OTOP1: variants seen among roughly 807,000 people sequenced by gnomAD.
OTOP1 encodes otopetrin 1.
Under a neutral mutation model 52.9 loss-of-function variants are expected in OTOP1, and 59 were observed. The observed-to-expected ratio is 1.12, with a 90% CI of 0.91 to 1.39. The LOEUF (loss-of-function observed/expected upper bound fraction) is 1.39, where lower values mean the gene tolerates loss of function less well. OTOP1 is among the 40% of genes most tolerant of loss of function. The pLI is 0.00. For missense variants in OTOP1, 761 were observed against 800.9 expected (o/e 0.95, Z 0.60); for synonymous variants, 317 against 337.7 (o/e 0.94, Z 0.67).
chr4:4,211,493 A>T (rs995478046), intron 2 of OTOP1, among the ~76,000 whole-genome samples: 4 of 152,238 alleles, frequency 2.6e-5, no homozygotes, highest in African/African-American at 9.6e-5. Context: ...CAACATGGGC[A>T]AATCTGGAGG....
chr4:4,205,961 A>C, intron 3 of OTOP1, 111 bp downstream of exon 3: 1 of 909,470 alleles, frequency 1.1e-6, no homozygotes, highest in South Asian at 1.4e-5. Context: ...TTCAGGACTG[A>C]GGGGAGAGTT....
intron 1 of OTOP1, among the ~76,000 whole-genome samples, chr4:4,216,668 G>A (rs1305509191): frequency 6.6e-6 from 1 of 152,096 alleles, no homozygotes; most frequent in East Asian, 1.9e-4. Context: ...GTGGAGATTC[G>A]ATCCCAGTGC....
intron 4 of OTOP1, among the ~76,000 whole-genome samples, chr4:4,201,074 G>A (rs12507879): frequency 0.13 from 20,411 of 152,138 alleles, 1,654 homozygotes; most frequent in East Asian, 0.33. Context: ...CGTGTTCACT[G>A]TGTTACCCTG....
rs150502297 is a variant in OTOP1 at position 4,205,766 on chromosome 4, A to G, written c.599+306T>C. Among the ~76,000 whole-genome samples, 84 of 152,336 alleles carry G rather than the reference A, an allele frequency of 5.5e-4. 1 individual carries two copies. In the East Asian group the frequency reaches 0.012, roughly 22 times the overall value. ...AGAACTTATGACGGTTAAAAAAAGA[A>G]ATTACATTTTCTTCCCTTCATCTCC... On this transcript the variant is annotated intron_variant, in intron 3 of 5. Transcript: ENST00000296358.
At chr4:4,206,637 A>T (rs1401827443) in intron 2 of OTOP1, among the ~76,000 whole-genome samples, 1 of 152,214 alleles carries the variant, frequency 6.6e-6, no homozygotes, top group Non-Finnish European at 1.5e-5. Context: ...TTATGCAGTC[A>T]CTAGCAGCAT....
chr4:4,196,275 G>C (rs1716622088), intron 5 of OTOP1, among the ~76,000 whole-genome samples: 1 of 152,074 alleles, frequency 6.6e-6, no homozygotes, highest in Non-Finnish European at 1.5e-5. Flanking sequence ...GTTTTGGCCA[G>C]GCGTGGGAGC....
chr4:4,218,326 A>G lies in OTOP1; in HGVS notation c.404-5322T>C, dbSNP rs372360940. Among the ~76,000 whole-genome samples, 4 of 149,652 alleles carry G rather than the reference A, an allele frequency of 2.7e-5. No individual in the cohort carries two copies. In the East Asian group the frequency reaches 7.9e-4, roughly 30 times the overall value. On this transcript the variant is annotated intron_variant, in intron 1 of 5. Coordinates refer to ENST00000296358, the MANE Select transcript of OTOP1 (RefSeq NM_177998.3). ...AGAATGGTGTGAACCCGGGAGGCAG[A>G]GGTTGCAGTGAACCGAGATTGCGCC... is the stretch of plus-strand genomic sequence containing the variant.
intron 1 of OTOP1, among the ~76,000 whole-genome samples, chr4:4,223,243 T>G (rs1454088007): frequency 3.3e-5 from 5 of 152,230 alleles, no homozygotes; most frequent in Admixed American, 3.3e-4. Context: ...AAATGTAACA[T>G]GTCATTGGTT....
chr4:4,189,504 C>A (rs1384467636), intron 5 of OTOP1, among the ~76,000 whole-genome samples: 1 of 152,216 alleles, frequency 6.6e-6, no homozygotes, highest in Admixed American at 6.5e-5. Flanking sequence ...CCTCCACTCC[C>A]TGGCTGTGGC....
intron 4 of OTOP1, among the ~76,000 whole-genome samples, chr4:4,199,039 A>G (rs922010504): frequency 1.2e-4 from 19 of 152,004 alleles, no homozygotes; most frequent in African/African-American, 3.4e-4. Context: ...AAAACTACAA[A>G]AATTAGCCAG....
intron 1 of OTOP1, among the ~76,000 whole-genome samples, chr4:4,220,364 A>G (rs1717274554): frequency 6.6e-6 from 1 of 152,116 alleles, no homozygotes; most frequent in African/African-American, 2.4e-5. Flanking sequence ...ATGTATATAA[A>G]ATCTTCCATA....
At chr4:4,219,842 TATACAC>T (rs1717240439) in intron 1 of OTOP1, among the ~76,000 whole-genome samples, 1 of 147,244 alleles carries the variant, frequency 6.8e-6, no homozygotes, top group Non-Finnish European at 1.5e-5. Context: ...TATACATATA[TATACAC>T]ATATACATGT....
intron 5 of OTOP1, among the ~76,000 whole-genome samples, chr4:4,196,030 T>G (rs972927452): frequency 2.6e-5 from 4 of 152,212 alleles, no homozygotes; most frequent in Non-Finnish European, 5.9e-5. Flanking sequence ...TATTGTAATT[T>G]TGTACTTACA....
intron 5 of OTOP1, among the ~76,000 whole-genome samples, chr4:4,196,491 A>G (rs1432436218): frequency 6.6e-6 from 1 of 152,236 alleles, no homozygotes; most frequent in Non-Finnish European, 1.5e-5. Flanking sequence ...CGGGAGGCAG[A>G]GGTTGCAGTG....
chr4:4,197,061 A>T, intron 5 of OTOP1, 105 bp downstream of exon 5: 1 of 1,210,968 alleles, frequency 8.3e-7, no homozygotes, highest in Non-Finnish European at 1.2e-6. Flanking sequence ...AAACCTCAGC[A>T]ACACGCAATT....
At chr4:4,189,512 G>C (rs1342458455) in intron 5 of OTOP1, among the ~76,000 whole-genome samples, 1 of 152,066 alleles carries the variant, frequency 6.6e-6, no homozygotes, top group Non-Finnish European at 1.5e-5. Flanking sequence ...CCCTGGCTGT[G>C]GCAGGCAGCC....
chr4:4,193,328 C>T (rs1716553582), intron 5 of OTOP1, among the ~76,000 whole-genome samples: 1 of 152,200 alleles, frequency 6.6e-6, no homozygotes, highest in Non-Finnish European at 1.5e-5. Context: ...CCATCTCCCA[C>T]AGCACCCTGC....
At chr4:4,208,959 A>G (rs183635367) in intron 2 of OTOP1, among the ~76,000 whole-genome samples, 3 of 152,252 alleles carry the variant, frequency 2.0e-5, no homozygotes, top group Non-Finnish European at 2.9e-5. Flanking sequence ...CACTGAGAAA[A>G]AGAGTTCATC....
intron 1 of OTOP1, among the ~76,000 whole-genome samples, chr4:4,215,782 A>G (rs546652624): frequency 6.6e-6 from 1 of 152,264 alleles, no homozygotes; most frequent in South Asian, 2.1e-4. Flanking sequence ...AAGCTTTTCT[A>G]AAATAGAAAG....
Sources: allele counts gnomAD v4.1 joint callset (sites outside exome capture counted in the v4.1 genomes callset), GRCh38; gene constraint gnomAD v4.1.1; transcripts MANE v1.5; gene names NCBI Gene and HGNC (gene_info 2026-07-23, HGNC 2026-07-21).